The following RBFOX1 variants were observed in gnomAD, a reference collection of about 807,000 sequenced individuals.
RBFOX1 encodes the protein RNA binding fox-1 homolog 1.
Under a neutral mutation model 57.7 loss-of-function variants are expected in RBFOX1, and 8 were observed. The observed-to-expected ratio is 0.14, with a 90% CI of 0.08 to 0.25. The LOEUF (loss-of-function observed/expected upper bound fraction) is 0.25, where lower values mean the gene tolerates loss of function less well. Among genes scored for constraint, RBFOX1 ranks in the 10% least tolerant of loss-of-function variants. The pLI is 1.00. For synonymous variants in RBFOX1, 326 were observed against 222.4 expected, an observed-to-expected ratio of 1.47 and a Z score of -4.15; for missense variants, 611 against 548.5, an observed-to-expected ratio of 1.11 and a Z score of -1.14.
intron 2 of RBFOX1, among the ~76,000 whole-genome samples, chr16:5,532,120 G>C (rs548409239): frequency 1.3e-5 from 2 of 152,108 alleles, no homozygotes; most frequent in Non-Finnish European, 2.9e-5. Flanking sequence ...CTTGATCAGG[G>C]CTTCCCAACC....
rs1022973766 is a variant in RBFOX1, at chr16:7,225,451, C to T, written c.27+173353C>T. On this transcript the variant is annotated intron_variant, in intron 4 of 15. Coordinates refer to ENST00000550418, the MANE Select transcript of RBFOX1 (RefSeq NM_018723.4). ...GCCACCACATCAGATGCACCTTTCACCTTCCACCATGATTGTGAGGCCTCC... is the reference window on the plus strand; with the variant it reads ...GCCACCACATCAGATGCACCTTTCATCTTCCACCATGATTGTGAGGCCTCC... Among the ~76,000 whole-genome samples the T allele has an allele frequency of 2.6e-5, 4 of 152,208 alleles. No individual in the cohort carries two copies. In the East Asian group the frequency reaches 5.8e-4, roughly 22 times the overall value.
chr16:6,515,778 G>C (rs776430180), intron 2 of RBFOX1, among the ~76,000 whole-genome samples: 3 of 152,002 alleles, frequency 2.0e-5, no homozygotes, highest in Non-Finnish European at 4.4e-5. Context: ...TGCACCTGCT[G>C]TTTCCTTTAC....
rs1393537936 is a variant in RBFOX1 at position 7,391,326 on chromosome 16, A to AT, written c.28-126820dup. 2.6e-5 allele frequency among the ~76,000 whole-genome samples: 4 copies of AT among 152,314 alleles called. No individual in the cohort carries two copies. In the East Asian group the frequency reaches 5.8e-4, roughly 22 times the overall value. ...CCTGGTTTGTAAAAGAAGGGCCCTC[A>AT]TGGAGGTAGAGGAAAGAAGTTTCGC... is the stretch of plus-strand genomic sequence containing the variant. On this transcript the variant is annotated intron_variant, in intron 4 of 15. Transcript: ENST00000550418.
intron 3 of RBFOX1, among the ~76,000 whole-genome samples, chr16:6,762,247 G>A (rs1263304474): frequency 6.6e-6 from 1 of 152,192 alleles, no homozygotes. Context: ...TATGTAGAGA[G>A]TGATAGGTTA....
chr16:5,653,588 C>G (rs540836958), intron 3 of RBFOX1, among the ~76,000 whole-genome samples: 2 of 152,168 alleles, frequency 1.3e-5, no homozygotes, highest in Admixed American at 6.6e-5. Context: ...TTGCCTCTCC[C>G]TGACCTCCTT....
At chr16:6,410,065 T>C (rs995836788) in intron 2 of RBFOX1, among the ~76,000 whole-genome samples, 1 of 152,144 alleles carries the variant, frequency 6.6e-6, no homozygotes, top group Non-Finnish European at 1.5e-5. Context: ...AAAATGCCTC[T>C]GTTAAAGAAC....
intron 4 of RBFOX1, among the ~76,000 whole-genome samples, chr16:5,885,319 TA>T (rs58317550): frequency 0.034 from 4,203 of 124,970 alleles, 65 homozygotes; most frequent in Non-Finnish European, 0.039. Flanking sequence ...CCTGGAGGCT[TA>T]AAAAAAAAAA....
intron 2 of RBFOX1, among the ~76,000 whole-genome samples, chr16:6,481,647 A>T (rs758681508): frequency 3.9e-5 from 6 of 152,118 alleles, no homozygotes; most frequent in Non-Finnish European, 8.8e-5. Context: ...CCTTTTTGCC[A>T]TTTTACCTGG....
chr16:6,656,414 G>T (rs1010768612), intron 3 of RBFOX1, among the ~76,000 whole-genome samples: 1 of 152,174 alleles, frequency 6.6e-6, no homozygotes, highest in African/African-American at 2.4e-5. Flanking sequence ...GGCAGGGTAA[G>T]CTCTGGGCAA....
At chr16:6,799,717 C>G (rs555429334) in intron 3 of RBFOX1, among the ~76,000 whole-genome samples, 7 of 152,120 alleles carry the variant, frequency 4.6e-5, no homozygotes, top group Admixed American at 4.6e-4. Flanking sequence ...CGTCTTTCTC[C>G]TGTGCTGGAT....
At chr16:6,324,856 G>C (rs1190345360) in intron 2 of RBFOX1, among the ~76,000 whole-genome samples, 1 of 152,134 alleles carries the variant, frequency 6.6e-6, no homozygotes. Flanking sequence ...AGACAGAGAT[G>C]GATAAGTTAC....
chr16:6,803,746 A>G (rs992267712), intron 3 of RBFOX1, among the ~76,000 whole-genome samples: 5 of 152,070 alleles, frequency 3.3e-5, no homozygotes, highest in Non-Finnish European at 7.3e-5. Flanking sequence ...AGTAATTCTG[A>G]GAATCTATTA....
At chr16:7,451,420 A>G (rs1239595606) in intron 4 of RBFOX1, among the ~76,000 whole-genome samples, 6 of 152,126 alleles carry the variant, frequency 3.9e-5, no homozygotes, top group Non-Finnish European at 7.4e-5. Flanking sequence ...TTGAGGCAAT[A>G]GGTAAGTTAA....
intron 4 of RBFOX1, among the ~76,000 whole-genome samples, chr16:5,993,739 T>A (rs2060445897): frequency 6.6e-6 from 1 of 152,318 alleles, no homozygotes; most frequent in Middle Eastern, 3.4e-3. Flanking sequence ...GGTGGGATGA[T>A]GTATCGCTGC....
chr16:6,370,190 C>G (rs760146953), intron 2 of RBFOX1, among the ~76,000 whole-genome samples: 1 of 151,630 alleles, frequency 6.6e-6, no homozygotes. Context: ...AAACCTGTCT[C>G]TACTAAAAAT....
intron 4 of RBFOX1, among the ~76,000 whole-genome samples, chr16:7,267,124 G>A (rs557341119): frequency 1.1e-4 from 16 of 152,302 alleles, no homozygotes; most frequent in African/African-American, 3.4e-4. Flanking sequence ...TAAATGCAAT[G>A]GGGAGCTGGG....
chr16:5,458,145 G>C (rs138002212), intron 1 of RBFOX1, among the ~76,000 whole-genome samples: 2 of 152,108 alleles, frequency 1.3e-5, no homozygotes, highest in Non-Finnish European at 1.5e-5. Flanking sequence ...ATTGCATTAA[G>C]TGAATTAAAT....
intron 3 of RBFOX1, among the ~76,000 whole-genome samples, chr16:6,985,253 A>G (rs559450978): frequency 1.5e-4 from 23 of 151,764 alleles, no homozygotes; most frequent in Admixed American, 3.3e-4. Context: ...GCTACATGCC[A>G]CATATTGGTA....
chr16:6,461,163 C>G (rs1164365720), intron 2 of RBFOX1, among the ~76,000 whole-genome samples: 1 of 152,104 alleles, frequency 6.6e-6, no homozygotes, highest in Non-Finnish European at 1.5e-5. Flanking sequence ...GGCTTAGTAC[C>G]TAGGTGATGA....
Sources: allele counts gnomAD v4.1 joint callset (sites outside exome capture counted in the v4.1 genomes callset), GRCh38; gene constraint gnomAD v4.1.1; transcripts MANE v1.5; gene names NCBI Gene and HGNC (gene_info 2026-07-23, HGNC 2026-07-21).